Variants in NLGN1 observed in about 807,000 individuals in gnomAD.
NLGN1 encodes neuroligin-1.
In NLGN1, 12 loss-of-function variants were observed where a neutral mutation model predicts 65.5. The ratio of observed to expected loss-of-function variants is 0.18; its 90% CI spans 0.12 to 0.30. The LOEUF is 0.30. NLGN1 is among the 10% of genes least tolerant of loss of function. The pLI, the probability that NLGN1 is intolerant of heterozygous loss-of-function variation, is 1.00. For synonymous variants in NLGN1, 350 were observed against 359.5 expected (o/e 0.97, Z 0.30); for missense variants, 750 against 1,007.1 (o/e 0.74, Z 3.46).
intron 1 of NLGN1, among the ~76,000 whole-genome samples, chr3:173,432,199 G>A (rs1190146878): frequency 1.3e-5 from 2 of 152,288 alleles, no homozygotes; most frequent in Non-Finnish European, 2.9e-5. Flanking sequence ...CTGTATGCAG[G>A]TTTCTATATG....
At chr3:173,890,085 T>G (rs1735053886) in intron 4 of NLGN1, among the ~76,000 whole-genome samples, 1 of 152,110 alleles carries the variant, frequency 6.6e-6, no homozygotes, top group South Asian at 2.1e-4. Flanking sequence ...TCATTTTCTG[T>G]TATCCCATTT....
At chr3:173,754,812 C>A (rs997830403) in intron 3 of NLGN1, among the ~76,000 whole-genome samples, 1 of 151,762 alleles carries the variant, frequency 6.6e-6, no homozygotes, top group Admixed American at 6.6e-5. Flanking sequence ...GCTTTCATAT[C>A]ATGCATTTAC....
At chr3:174,290,218 T>C (rs79370594), downstream of NLGN1, among the ~76,000 whole-genome samples, 4,473 of 150,868 alleles carry the variant, frequency 0.03, 180 homozygotes, top group African/African-American at 0.087. Flanking sequence ...AGACTTTGTC[T>C]ACCGTATTTC....
At chr3:174,102,480 G>A (rs1308759597) in intron 4 of NLGN1, among the ~76,000 whole-genome samples, 1 of 152,096 alleles carries the variant, frequency 6.6e-6, no homozygotes, top group Non-Finnish European at 1.5e-5. Flanking sequence ...TGGCTTGTCA[G>A]CAGATAACAC....
At chr3:174,136,692 A>T (rs1721280812) in intron 4 of NLGN1, 1 of 152,236 alleles carries the variant, frequency 6.6e-6, no homozygotes, top group Non-Finnish European at 1.5e-5. Context: ...CTGCCCAGGT[A>T]GGCCTGCAGA....
At chr3:174,099,468 A>G (rs1003527871) in intron 4 of NLGN1, among the ~76,000 whole-genome samples, 4 of 152,194 alleles carry the variant, frequency 2.6e-5, no homozygotes, top group Non-Finnish European at 4.4e-5. Context: ...TTTCACTGCA[A>G]AAATAGACTT....
chr3:173,475,092 A>G (rs1249539874), intron 2 of NLGN1, among the ~76,000 whole-genome samples: 2 of 152,238 alleles, frequency 1.3e-5, no homozygotes, highest in Admixed American at 1.3e-4. Context: ...TTACCAATAT[A>G]AACTTATACT....
chr3:174,218,639 T>C (rs1328530341), intron 4 of NLGN1, among the ~76,000 whole-genome samples: 5 of 152,010 alleles, frequency 3.3e-5, no homozygotes, highest in Non-Finnish European at 2.9e-5. Context: ...AGGGCTAAAG[T>C]GACCCTTTAA....
chr3:173,861,515 CGTGTGTGTGTGTGTGTGTGTGT>C (rs145812733), intron 4 of NLGN1, among the ~76,000 whole-genome samples: 10 of 141,422 alleles, frequency 7.1e-5, no homozygotes, highest in Admixed American at 1.4e-4. Flanking sequence ...GTAGCTGGCA[CGTGTGTGTGTGTGTGTGTGTGT>C]GTGTGTGTGT....
chr3:174,115,166 A>G (rs922989932), intron 4 of NLGN1, among the ~76,000 whole-genome samples: 8 of 152,192 alleles, frequency 5.3e-5, no homozygotes, highest in Admixed American at 2.6e-4. Context: ...AGAATGGTCA[A>G]TGACTCAGTA....
At chr3:174,211,944 T>A (rs1736674143) in intron 4 of NLGN1, among the ~76,000 whole-genome samples, 1 of 152,196 alleles carries the variant, frequency 6.6e-6, no homozygotes, top group African/African-American at 2.4e-5. Flanking sequence ...CAGGTGGAGC[T>A]GCCTGCCAGT....
chr3:173,514,175 C>G lies in NLGN1; in HGVS notation c.-321+79097C>G, dbSNP rs1733453487. The stretch of plus-strand genomic sequence containing the variant: ...ATTTAATGAGTATGTTTTTAAAAGT[C>G]ATACAGGGTTGTATTGAAGAATAAT... On this transcript the variant is annotated intron_variant, in intron 2 of 6. Transcript: ENST00000457714. Among the ~76,000 whole-genome samples, 6 of 152,100 alleles carry G rather than the reference C, an allele frequency of 3.9e-5. No homozygotes were observed. The South Asian group carries it at 1.2e-3, about 32-fold the overall frequency.
intron 3 of NLGN1, among the ~76,000 whole-genome samples, chr3:173,694,885 A>G (rs925692849): frequency 2.0e-5 from 3 of 152,188 alleles, no homozygotes; most frequent in African/African-American, 4.8e-5. Context: ...GGGAGAAGAA[A>G]AATATGGCCC....
intron 2 of NLGN1, among the ~76,000 whole-genome samples, chr3:173,515,371 A>G (rs1733658834): frequency 6.6e-6 from 1 of 152,072 alleles, no homozygotes; most frequent in Non-Finnish European, 1.5e-5. Flanking sequence ...AGTCCCTTAT[A>G]TATTTTGGAG....
chr3:174,244,872 T>C (rs764835541), intron 4 of NLGN1, among the ~76,000 whole-genome samples: 2 of 152,192 alleles, frequency 1.3e-5, no homozygotes, highest in Non-Finnish European at 2.9e-5. Context: ...CTTTGCACTC[T>C]TATTATTCCT....
chr3:174,252,341 A>G (rs1317639252), intron 4 of NLGN1, among the ~76,000 whole-genome samples: 9 of 152,174 alleles, frequency 5.9e-5, no homozygotes, highest in Admixed American at 5.9e-4. Context: ...ACACCATTAC[A>G]TAAAAATAGT....
intron 3 of NLGN1, among the ~76,000 whole-genome samples, chr3:173,704,276 G>T (rs1767704110): frequency 6.6e-6 from 1 of 152,174 alleles, no homozygotes; most frequent in Non-Finnish European, 1.5e-5. Flanking sequence ...GAACAAGTCT[G>T]TAACGATTCT....
intron 3 of NLGN1, among the ~76,000 whole-genome samples, chr3:173,638,336 T>C (rs1365656661): frequency 6.6e-6 from 1 of 151,786 alleles, no homozygotes; most frequent in Non-Finnish European, 1.5e-5. Flanking sequence ...AATAGACAGA[T>C]GTTGATTTTA....
intron 2 of NLGN1, among the ~76,000 whole-genome samples, chr3:173,560,891 A>C (rs1403422284): frequency 6.6e-6 from 1 of 152,206 alleles, no homozygotes; most frequent in Non-Finnish European, 1.5e-5. Context: ...CACCCTATAA[A>C]TAATATTCAT....
Sources: gnomAD v4.1 joint callset for allele counts (sites outside exome capture counted in the v4.1 genomes callset) on GRCh38, gnomAD v4.1.1 for gene constraint, MANE v1.5 for transcripts, NCBI Gene and HGNC (gene_info 2026-07-23, HGNC 2026-07-21) for gene names.